DIP2C: variants seen among roughly 807,000 people sequenced by gnomAD.
DIP2C encodes disco-interacting protein 2 homolog C.
In DIP2C, 33 loss-of-function variants were observed where a neutral mutation model predicts 192.4. The observed-to-expected ratio is 0.17, with a 90% CI of 0.13 to 0.23. DIP2C has a LOEUF of 0.23. DIP2C is among the 10% of genes least tolerant of loss of function. The pLI is 1.00. For missense variants in DIP2C, 1,537 were observed against 2,110.1 expected (o/e 0.73, Z 5.32); for synonymous variants, 979 against 864.1 (o/e 1.13, Z -2.33).
At chr10:674,883 A>C (rs1378238958) in intron 1 of DIP2C, among the ~76,000 whole-genome samples, 1 of 151,026 alleles carries the variant, frequency 6.6e-6, no homozygotes, top group Non-Finnish European at 1.5e-5. Flanking sequence ...ACTGGAGATC[A>C]TCTAGACAGA....
intron 24 of DIP2C, among the ~76,000 whole-genome samples, chr10:350,498 CTTT>C (rs139404831): frequency 0.015 from 2,227 of 152,278 alleles, 30 homozygotes; most frequent in Middle Eastern, 0.075. Flanking sequence ...ACAACCTCTT[CTTT>C]GTGATCAGAT....
At chr10:659,088 ACATGCATATACATACATGTT>A (rs1856592357) in intron 1 of DIP2C, among the ~76,000 whole-genome samples, 3 of 152,226 alleles carry the variant, frequency 2.0e-5, no homozygotes, top group East Asian at 1.9e-4. Flanking sequence ...ACTCAAACAC[ACATGCATATACATACATGTT>A]CATGCATATA....
intron 29 of DIP2C, among the ~76,000 whole-genome samples, chr10:332,765 T>C (rs1957560427): frequency 1.3e-5 from 2 of 152,194 alleles, no homozygotes; most frequent in South Asian, 4.1e-4. Flanking sequence ...TACCAACAAC[T>C]GAAAACTCTC....
intron 1 of DIP2C, among the ~76,000 whole-genome samples, chr10:573,250 G>A (rs974129669): frequency 6.6e-6 from 1 of 152,122 alleles, no homozygotes; most frequent in Non-Finnish European, 1.5e-5. Flanking sequence ...ATCAAGAGAA[G>A]CCTACTTGTT....
chr10:555,488 G>T (rs913803114), intron 1 of DIP2C, among the ~76,000 whole-genome samples: 6 of 152,180 alleles, frequency 3.9e-5, no homozygotes, highest in Admixed American at 2.6e-4. Context: ...AATCTCCTTG[G>T]AACCCCAGCA....
chr10:393,722 T>C (rs370744862), intron 10 of DIP2C, among the ~76,000 whole-genome samples: 8 of 130,946 alleles, frequency 6.1e-5, no homozygotes, highest in South Asian at 4.6e-4. Context: ...GAGGTTGCAG[T>C]GAGCAGAGAT....
At chr10:337,517 G>A (rs1957894835) in intron 29 of DIP2C, among the ~76,000 whole-genome samples, 1 of 143,926 alleles carries the variant, frequency 6.9e-6, no homozygotes, top group Admixed American at 6.9e-5. Context: ...GTCTGTGTGT[G>A]TGTGCGTGCG....
At chr10:527,898 G>A (rs1388352428) in intron 1 of DIP2C, among the ~76,000 whole-genome samples, 2 of 152,132 alleles carry the variant, frequency 1.3e-5, no homozygotes, top group Admixed American at 6.5e-5. Flanking sequence ...AACATCCATC[G>A]TCCATCCTCC....
intron 4 of DIP2C, among the ~76,000 whole-genome samples, chr10:433,554 G>C (rs1032907277): frequency 5.9e-5 from 9 of 152,108 alleles, no homozygotes; most frequent in African/African-American, 2.2e-4. Flanking sequence ...GATGACAAAT[G>C]CCTGTAGTCC....
chr10:364,348 TG>T (rs762634449), intron 20 of DIP2C, 25 bp downstream of exon 20: 8 of 1,597,906 alleles, frequency 5.0e-6, no homozygotes, highest in Non-Finnish European at 6.9e-6. Flanking sequence ...GGAAACCATA[TG>T]CTTGATTTGC....
chr10:579,737 ATAGG>A (rs1323193744), intron 1 of DIP2C, among the ~76,000 whole-genome samples: 1 of 152,122 alleles, frequency 6.6e-6, no homozygotes, highest in African/African-American at 2.4e-5. Context: ...TACAGCATAC[ATAGG>A]TACACTATAA....
rs540103826 is a variant in DIP2C at position 341,478 on chromosome 10, C to T, written c.3454-149G>A. 42 of 1,195,460 alleles carry T rather than the reference C, an allele frequency of 3.5e-5. 1 individual carries two copies. In the South Asian group the frequency reaches 4.2e-4, roughly 12 times the overall value. 74.1% of individuals were successfully genotyped at this position (1,195,460 alleles called of 1,614,324 possible). ...CGGGACAATACGGGGCTGCACTGAA[C>T]GCAAGGCTGTTTTGAACGCATCGGA... On this transcript the variant is annotated intron_variant, in intron 28 of 36. Transcript: ENST00000280886.
In DIP2C at chr10:619,808, T is replaced by A. The variant is rs1367840008; in HGVS notation, c.85+69686A>T. ...GGCTGGGCTCTGCAGCGCCAGAGAG[T>A]CCTGGATAAAAATGGCAGCTCCCGT... On this transcript the variant is annotated intron_variant, in intron 1 of 36. Transcript: ENST00000280886. Among the ~76,000 whole-genome samples the A allele has an allele frequency of 1.3e-5, 2 of 151,088 alleles. 1 individual carries two copies. The highest frequency in any genetic ancestry group is 4.2e-4 in the South Asian group (2 of 4,762).
chr10:474,353 C>T (rs1970891564), intron 2 of DIP2C, among the ~76,000 whole-genome samples: 7 of 152,172 alleles, frequency 4.6e-5, no homozygotes, highest in Admixed American at 4.6e-4. Flanking sequence ...TATCTATTTT[C>T]CACTATCTTG....
intron 13 of DIP2C, among the ~76,000 whole-genome samples, chr10:388,458 C>T (rs777928119): frequency 5.9e-5 from 9 of 152,216 alleles, no homozygotes; most frequent in Non-Finnish European, 1.2e-4. Flanking sequence ...GACTCAGTCT[C>T]ACCTCCCCTT....
At chr10:663,134 C>T in intron 1 of DIP2C, 2 of 509,478 alleles carry the variant, frequency 3.9e-6, no homozygotes, top group Non-Finnish European at 7.0e-6. Flanking sequence ...GGCAGCCCTA[C>T]CTCAGCATGG....
Position 384,402 on chromosome 10 carries a change from T to G in DIP2C, c.1756+144A>C, listed in dbSNP as rs1962685883. The G allele has an allele frequency of 5.5e-6, 5 of 905,346 alleles. No homozygotes were observed. In the South Asian group the frequency reaches 8.4e-5, roughly 15 times the overall value. The allele number at this position is 905,346 out of a possible 1,614,324, so 56.1% of individuals were successfully genotyped here. A position where few individuals can be genotyped will look rare whatever the true frequency, so the allele number is the denominator to read the frequency against. ...ATAGGCATGCGCCATCAGGCCTGGCTAATTTTTGTATTATTAGTAGAAACG... is the reference window on the plus strand; with the variant it reads ...ATAGGCATGCGCCATCAGGCCTGGCGAATTTTTGTATTATTAGTAGAAACG... On this transcript the variant is annotated intron_variant, in intron 15 of 36. Coordinates refer to ENST00000280886, the MANE Select transcript of DIP2C (RefSeq NM_014974.3).
At chr10:640,674 T>A (rs61833009) in intron 1 of DIP2C, among the ~76,000 whole-genome samples, 45 of 91,190 alleles carry the variant, frequency 4.9e-4, no homozygotes, top group African/African-American at 1.5e-3. Context: ...CGCGCGGGGA[T>A]GAGGGTGCGC....
chr10:440,725 T>C, intron 4 of DIP2C, 146 bp downstream of exon 4: 2 of 1,213,250 alleles, frequency 1.6e-6, no homozygotes, highest in Non-Finnish European at 2.2e-6. Flanking sequence ...GTTTAACTCA[T>C]ACAACACTGT....
Sources: allele counts gnomAD v4.1 joint callset (sites outside exome capture counted in the v4.1 genomes callset), GRCh38; gene constraint gnomAD v4.1.1; transcripts MANE v1.5; gene names NCBI Gene and HGNC (gene_info 2026-07-23, HGNC 2026-07-21).